The following IQCE variants were observed in gnomAD, a reference collection of about 807,000 sequenced individuals.
IQCE encodes IQ domain-containing protein E.
A neutral mutation model predicts 96.0 loss-of-function variants in IQCE; 115 were observed. That is an observed-to-expected ratio of 1.20 (90% CI 1.03 to 1.40). The LOEUF is 1.40. Ranked by LOEUF, IQCE falls within the 40% of genes most tolerant of loss-of-function variation. IQCE has a pLI of 0.00. For missense variants in IQCE, 1,041 were observed against 909.1 expected (o/e 1.15, Z -1.87); for synonymous variants, 412 against 371.2 (o/e 1.11, Z -1.26).
chr7:2,573,369 T>G, intron 5 of IQCE, 49 bp from the exon 6 acceptor site: 1 of 888,314 alleles, frequency 1.1e-6, no homozygotes, highest in Non-Finnish European at 1.9e-6. Flanking sequence ...CCAAGAATTC[T>G]TTCTACTTTG....
intron 10 of IQCE, 38 bp from the exon 11 acceptor site, chr7:2,584,198 G>T: frequency 6.3e-7 from 1 of 1,584,178 alleles, no homozygotes. Context: ...CTCCATGCTA[G>T]CCTTGTGTTT....
intron 2 of IQCE, 118 bp downstream of exon 2, chr7:2,567,281 C>A: frequency 1.3e-6 from 1 of 792,342 alleles, no homozygotes; most frequent in Non-Finnish European, 2.2e-6. Context: ...AGCTGGAATG[C>A]ATATTCCGAA....
chr7:2,604,698 G>T (rs1347544066), intron 18 of IQCE, among the ~76,000 whole-genome samples, 183 bp from the exon 19 acceptor site: 1 of 152,196 alleles, frequency 6.6e-6, no homozygotes, highest in Non-Finnish European at 1.5e-5. Context: ...GCGCCAGTGA[G>T]TTTCTCCCAG....
At chr7:2,594,368 AT>A (rs11284589) in intron 15 of IQCE, among the ~76,000 whole-genome samples, 72,947 of 152,026 alleles carry the variant, frequency 0.48, 17,835 homozygotes, top group African/African-American at 0.54. Flanking sequence ...GCAGAAATGA[AT>A]TTTTTTTTGT....
intron 8 of IQCE, among the ~76,000 whole-genome samples, chr7:2,579,884 C>T (rs906252295): frequency 1.2e-4 from 18 of 146,150 alleles, no homozygotes; most frequent in East Asian, 5.8e-4. Flanking sequence ...CCTGAGTACC[C>T]GGGACTACAG....
chr7:2,578,371 TTCAC>T lies in IQCE; in HGVS notation c.579+17_579+20del, dbSNP rs1782372994. On this transcript the variant is annotated intron_variant, in intron 7 of 21. Coordinates refer to ENST00000402050, the MANE Select transcript of IQCE (RefSeq NM_152558.5). Reference sequence around the variant, plus strand: ...TCCCAGCCGCGTAAGCTCCTGGCGCTTCACGGACGGGGCAAGGGGAGGGTCCTCG... The same window carrying T: ...TCCCAGCCGCGTAAGCTCCTGGCGCTGGACGGGGCAAGGGGAGGGTCCTCG... 1 of 1,612,844 alleles carries T rather than the reference TTCAC, an allele frequency of 6.2e-7. No homozygotes were observed. Among genetic ancestry groups the T allele is most frequent in the Non-Finnish European group, 8.5e-7 (1 of 1,178,886 alleles).
At chr7:2,579,533 T>C (rs1782488703) in intron 8 of IQCE, among the ~76,000 whole-genome samples, 1 of 152,178 alleles carries the variant, frequency 6.6e-6, no homozygotes, top group Non-Finnish European at 1.5e-5. Flanking sequence ...CTCTGAACTA[T>C]GTCACAGATA....
chr7:2,589,852 A>C, intron 13 of IQCE, 55 bp from the exon 14 acceptor site: 2 of 1,544,442 alleles, frequency 1.3e-6, no homozygotes, highest in Non-Finnish European at 1.8e-6. Context: ...TGGGTTTGGT[A>C]AATAGAAAGT....
chr7:2,605,387 G>A (rs978738922), intron 19 of IQCE, among the ~76,000 whole-genome samples: 3 of 152,134 alleles, frequency 2.0e-5, no homozygotes, highest in African/African-American at 4.8e-5. Context: ...TTTGGAGGCC[G>A]AGGCAGGTGG....
intron 3 of IQCE, among the ~76,000 whole-genome samples, chr7:2,569,793 G>C (rs1562624407): frequency 6.6e-6 from 1 of 152,178 alleles, no homozygotes; most frequent in Non-Finnish European, 1.5e-5. Context: ...GACGCACTCA[G>C]AGAATATAAA....
chr7:2,576,199 A>T (rs1782112640), intron 6 of IQCE, among the ~76,000 whole-genome samples: 1 of 152,186 alleles, frequency 6.6e-6, no homozygotes. Context: ...GGAATACCAC[A>T]GTCTTTTGCA....
chr7:2,600,201 C>T (rs570897031), intron 17 of IQCE, among the ~76,000 whole-genome samples: 2 of 152,086 alleles, frequency 1.3e-5, no homozygotes, highest in African/African-American at 4.8e-5. Context: ...TAAACTTATT[C>T]CTCTGTCCCC....
rs769307406 is a variant in IQCE, at chr7:2,582,538, A to G, written c.631-42A>G. Reference sequence around the variant, plus strand: ...AGGGGACAGCCGCTTCTACTGAGGGAGAGAGGGCGTGGCCTGCCTGATGGG... The same window carrying G: ...AGGGGACAGCCGCTTCTACTGAGGGGGAGAGGGCGTGGCCTGCCTGATGGG... On this transcript the variant is annotated intron_variant, in intron 8 of 21. Transcript: ENST00000402050. 121 of 1,570,006 alleles carry G rather than the reference A, an allele frequency of 7.7e-5. 1 individual carries two copies. The South Asian group carries it at 1.2e-3, about 15-fold the overall frequency.
rs1208594571 is a variant in IQCE, at chr7:2,559,113, G to A, written c.-69G>A. 9.5e-7 allele frequency: 1 copy of A among 1,055,364 alleles called. No individual in the cohort carries two copies. The highest frequency in any genetic ancestry group is 1.2e-6 in the Non-Finnish European group (1 of 833,776). 65.4% of individuals were successfully genotyped at this position (1,055,364 alleles called of 1,614,324 possible). A position where few individuals can be genotyped will look rare whatever the true frequency, so the allele number is the denominator to read the frequency against. On this transcript the variant is annotated 5_prime_UTR_variant, in exon 1 of 22. Transcript: ENST00000402050. ...CCCGAGGCTGCGGGCGGCCAGGGCT[G>A]CCCGCGGATTCCCAGACCCGGACGC...
At chr7:2,582,196 G>A (rs1349053223) in intron 8 of IQCE, 3 of 389,816 alleles carry the variant, frequency 7.7e-6, no homozygotes, top group South Asian at 4.2e-5. Flanking sequence ...TGAACTGGGC[G>A]GCCCTAGGGG....
chr7:2,590,909 C>T (rs2096800405), intron 14 of IQCE, among the ~76,000 whole-genome samples: 1 of 152,076 alleles, frequency 6.6e-6, no homozygotes, highest in Non-Finnish European at 1.5e-5. Flanking sequence ...GGTCTTAATT[C>T]AGTAATATGT....
At chr7:2,567,032 C>A (rs1425378878) in intron 1 of IQCE, 84 bp from the exon 2 acceptor site, 2 of 1,108,080 alleles carry the variant, frequency 1.8e-6, no homozygotes, top group Non-Finnish European at 2.7e-6. Flanking sequence ...CAGCTGTGGA[C>A]GGGCTGTTTT....
chr7:2,604,554 C>T (rs1784655002), intron 18 of IQCE, among the ~76,000 whole-genome samples: 1 of 152,184 alleles, frequency 6.6e-6, no homozygotes, highest in African/African-American at 2.4e-5. Context: ...AACGCTCCAA[C>T]ATGAAAACCT....
Position 2,605,868 on chromosome 7 carries a change from C to T in IQCE, c.1744-8C>T, listed in dbSNP as rs920413290. The T allele has an allele frequency of 9.5e-6, 15 of 1,574,830 alleles. No individual in the cohort carries two copies. The highest frequency in any genetic ancestry group is 2.4e-5 in the East Asian group (1 of 41,554). ...ACAGTCGTCTTCCCTGCTGTCCTTG[C>T]ACCCCAGAGCTCTCCTGTGCCCCGC... On this transcript the variant is annotated splice_region_variant and splice_polypyrimidine_tract_variant and intron_variant, in intron 19 of 21. Transcript: ENST00000402050.
Sources: allele counts gnomAD v4.1 joint callset (sites outside exome capture counted in the v4.1 genomes callset), GRCh38; gene constraint gnomAD v4.1.1; transcripts MANE v1.5; gene names NCBI Gene and HGNC (gene_info 2026-07-23, HGNC 2026-07-21).